Variants in NRK observed in about 807,000 individuals in gnomAD.
The protein encoded by NRK is nik-related protein kinase.
NRK carries 67 observed loss-of-function variants against 125.2 expected under a neutral mutation model. That is an observed-to-expected ratio of 0.54 (90% CI 0.44 to 0.66). NRK has a LOEUF of 0.66. Ranked by LOEUF, NRK falls within the 30% of genes least tolerant of loss-of-function variation. The probability of loss-of-function intolerance (pLI) is 0.00; values close to 1 mark genes in which losing one functional copy is unlikely to be tolerated. For synonymous variants in NRK, 458 were observed against 429.0 expected, an observed-to-expected ratio of 1.07 and a Z score of -0.84; for missense variants, 1,224 against 1,192.9, an observed-to-expected ratio of 1.03 and a Z score of -0.38.
intron 2 of NRK, among the ~76,000 whole-genome samples, chrX:105,868,966 T>TA (rs1250050209): frequency 2.7e-5 from 3 of 109,764 alleles, no homozygotes; most frequent in South Asian, 3.9e-4. Context: ...AGTTCGTAAT[T>TA]AAAAAAAACA....
chrX:105,833,191 C>T (rs1342626941), intron 2 of NRK, among the ~76,000 whole-genome samples: 2 of 110,967 alleles, frequency 1.8e-5, no homozygotes, highest in Non-Finnish European at 3.8e-5. Flanking sequence ...GTTTTCAAAC[C>T]ATTTTGATCA....
At chrX:105,854,203 T>C (rs1487663254) in intron 2 of NRK, among the ~76,000 whole-genome samples, 1 of 112,146 alleles carries the variant, frequency 8.9e-6, no homozygotes, top group African/African-American at 3.2e-5. Context: ...TTCCCTCTCC[T>C]GATAGAATTT....
chrX:105,909,223 G>A lies in NRK; in HGVS notation c.1582G>A (p.Glu528Lys), dbSNP rs202127779. Residue 528 changes from glutamate to lysine, a missense_variant, in exon 13 of 29, where the codon GAA becomes AAA. Transcript: ENST00000243300. Reference sequence around the variant, plus strand: ...ATTTCAGGGTCAAGATCAGGTACCCGAACAACAAAGGCAGGGCCAGGCCCC... The same window carrying A: ...ATTTCAGGGTCAAGATCAGGTACCCAAACAACAAAGGCAGGGCCAGGCCCC... ...EEFQGQDQVP[E>K]QQRQGQAPEQ... is the part of the protein sequence containing the mutation. The A allele has an allele frequency of 7.3e-5, 88 of 1,207,916 alleles. No individual in the cohort carries two copies. Among genetic ancestry groups the A allele is most frequent in the East Asian group, 2.4e-4 (8 of 33,536 alleles).
At position 105,935,166 on chromosome X, in the gene NRK, G is replaced by C. The variant is rs373216027; in HGVS notation, c.3500-4G>C. On this transcript the variant is annotated splice_polypyrimidine_tract_variant and splice_region_variant and intron_variant, in intron 20 of 28. Transcript: ENST00000243300. ...CTTATTATCTTCCCCTTACATCTTT[G>C]CAGTATACGCTGGATTCGTAGAAGT... 39 of 1,171,350 alleles carry C rather than the reference G, an allele frequency of 3.3e-5. No individual in the cohort carries two copies. The highest frequency in any genetic ancestry group is 4.5e-5 in the Non-Finnish European group (39 of 861,737).
chrX:105,902,420 C>G (rs758707765), intron 9 of NRK, among the ~76,000 whole-genome samples: 1 of 111,996 alleles, frequency 8.9e-6, no homozygotes, highest in East Asian at 2.8e-4. Context: ...TAATTGTCAT[C>G]AGTTTAACTG....
intron 2 of NRK, among the ~76,000 whole-genome samples, chrX:105,879,856 T>C (rs897742197): frequency 1.8e-5 from 2 of 110,884 alleles, no homozygotes; most frequent in African/African-American, 3.3e-5. Flanking sequence ...AAAATTTTCA[T>C]TTAGATTAAA....
At position 105,958,498 on chromosome X, in the gene NRK, A is replaced by G. The variant is rs2041005238; in HGVS notation, c.*2898A>G. ...TCAGTTTGTTCCAAGAAATGTGCCT[A>G]CTGAAATCAAATTAATTTGTATTCA... On this transcript the variant is annotated 3_prime_UTR_variant, in exon 29 of 29. Coordinates refer to ENST00000243300, the MANE Select transcript of NRK (RefSeq NM_198465.4). 1 of 112,347 alleles carries G rather than the reference A, an allele frequency of 8.9e-6. No individual in the cohort carries two copies. The highest frequency in any genetic ancestry group is 3.2e-5 in the African/African-American group (1 of 30,950). The allele number at this position is 112,347 out of a possible 1,213,427, so 9.3% of individuals were successfully genotyped here. A position where few individuals can be genotyped will look rare whatever the true frequency, so the allele number is the denominator to read the frequency against.
intron 2 of NRK, among the ~76,000 whole-genome samples, chrX:105,836,200 AGG>A (rs2039263077): frequency 8.9e-6 from 1 of 111,758 alleles, no homozygotes; most frequent in African/African-American, 3.2e-5. Flanking sequence ...TCTTGTTGTT[AGG>A]GTGGATGTGG....
intron 2 of NRK, among the ~76,000 whole-genome samples, chrX:105,851,787 G>C (rs1489368397): frequency 9.0e-6 from 1 of 110,976 alleles, no homozygotes; most frequent in Non-Finnish European, 1.9e-5. Flanking sequence ...GTACACTTCT[G>C]CCAGAGGTTA....
At chrX:105,936,515 C>T (rs1004597446) in intron 21 of NRK, among the ~76,000 whole-genome samples, 3 of 112,123 alleles carry the variant, frequency 2.7e-5, no homozygotes, top group African/African-American at 9.7e-5. Context: ...AGTTAGAGAA[C>T]TGATTAAAGA....
intron 1 of NRK, among the ~76,000 whole-genome samples, chrX:105,828,404 AT>A (rs1473714101): frequency 9.0e-6 from 1 of 111,535 alleles, no homozygotes; most frequent in African/African-American, 3.3e-5. Context: ...TTTTTGAATA[AT>A]TAGGTAACTG....
rs761412724 is a variant in NRK at position 105,843,915 on chromosome X, T to G, written c.123+12796T>G. On this transcript the variant is annotated intron_variant, in intron 2 of 28. Transcript: ENST00000243300. Reference sequence around the variant, plus strand: ...TTTTAGTAGATTTCAAAAAAAAAATTAATGGCTTGAAATGTTAAACTCTAA... The same window carrying G: ...TTTTAGTAGATTTCAAAAAAAAAATGAATGGCTTGAAATGTTAAACTCTAA... 7.3e-5 allele frequency among the ~76,000 whole-genome samples: 8 copies of G among 109,823 alleles called. No homozygotes were observed. In the East Asian group the frequency reaches 2.3e-3, roughly 31 times the overall value.
intron 2 of NRK, among the ~76,000 whole-genome samples, chrX:105,839,087 A>G (rs1456736801): frequency 2.7e-5 from 3 of 111,361 alleles, no homozygotes; most frequent in African/African-American, 9.8e-5. Context: ...TTGATGACAT[A>G]CAATTTATGA....
chrX:105,838,416 C>T (rs1440279980), intron 2 of NRK, among the ~76,000 whole-genome samples: 1 of 110,549 alleles, frequency 9.0e-6, no homozygotes, highest in Non-Finnish European at 1.9e-5. Flanking sequence ...AAGGTTAATA[C>T]TAGTGAGGTG....
At chrX:105,917,871 T>G (rs1041250416) in intron 16 of NRK, among the ~76,000 whole-genome samples, 199 bp downstream of exon 16, 1 of 111,026 alleles carries the variant, frequency 9.0e-6, no homozygotes, top group Admixed American at 9.6e-5. Context: ...GGAAAATAAT[T>G]TTTCTGAATT....
intron 2 of NRK, among the ~76,000 whole-genome samples, chrX:105,858,144 T>C (rs1051927449): frequency 9.0e-6 from 1 of 111,687 alleles, no homozygotes; most frequent in African/African-American, 3.3e-5. Context: ...TTTAGTCAAA[T>C]AGAATTTTCC....
chrX:105,893,156 A>G (rs1297630538), intron 5 of NRK, among the ~76,000 whole-genome samples: 1 of 111,818 alleles, frequency 8.9e-6, no homozygotes, highest in African/African-American at 3.2e-5. Flanking sequence ...GTTTATTAAT[A>G]CAATAAAATC....
In NRK at chrX:105,949,739, G is replaced by A; in HGVS notation, c.4513+5G>A. The A allele has an allele frequency of 3.5e-6, 4 of 1,143,369 alleles. No homozygotes were observed. Among genetic ancestry groups the A allele is most frequent in the Non-Finnish European group, 4.7e-6 (4 of 848,966 alleles). 94.2% of individuals were successfully genotyped at this position (1,143,369 alleles called of 1,213,427 possible). ...AAGACATACCATCTTCTATAGGTAT[G>A]TATACAATTTATTTCTTCTTCAGGA... On this transcript the variant is annotated splice_donor_5th_base_variant and intron_variant, in intron 27 of 28. Transcript: ENST00000243300.
intron 1 of NRK, among the ~76,000 whole-genome samples, chrX:105,824,791 C>T (rs1270024113): frequency 9.1e-6 from 1 of 110,320 alleles, no homozygotes; most frequent in African/African-American, 3.3e-5. Context: ...GTGTGAGGAG[C>T]GTAGAAAGAT....
Sources: gnomAD v4.1 joint callset for allele counts (sites outside exome capture counted in the v4.1 genomes callset) on GRCh38, gnomAD v4.1.1 for gene constraint, MANE v1.5 for transcripts, NCBI Gene and HGNC (gene_info 2026-07-23, HGNC 2026-07-21) for gene names.